The following PSG7 variants were observed in gnomAD, a reference collection of about 807,000 sequenced individuals.
The protein encoded by PSG7 is pregnancy specific beta-1-glycoprotein 7, also known as pregnancy-specific beta-1-glycoprotein 7.
In PSG7, 57 loss-of-function variants were observed where a neutral mutation model predicts 45.6. The observed-to-expected ratio is 1.25, with a 90% CI of 1.01 to 1.56. The LOEUF (loss-of-function observed/expected upper bound fraction) is 1.56. PSG7 is among the 40% of genes most tolerant of loss of function. PSG7 has a pLI of 0.00. For synonymous variants in PSG7, 298 were observed against 194.4 expected (o/e 1.53, Z -4.43); for missense variants, 796 against 508.4 (o/e 1.57, Z -5.44).
rs866401033 is a variant in PSG7 at position 42,933,311 on chromosome 19, T to A, written c.430+2093A>T. Among the ~76,000 whole-genome samples, 184 of 40,798 alleles carry A rather than the reference T, an allele frequency of 4.5e-3. 2 individuals are homozygous for A. Among genetic ancestry groups the A allele is most frequent in the Admixed American group, 6.8e-3 (20 of 2,956 alleles). The allele number at this position is 40,798 out of a possible 152,430, so 26.8% of individuals were successfully genotyped here. A position where few individuals can be genotyped will look rare whatever the true frequency, so the allele number is the denominator to read the frequency against. Reference sequence around the variant, plus strand: ...TATATATATATATATATATATATTTTTTTTTTTTTTTGGTGTATGTATGTG... The same window carrying A: ...TATATATATATATATATATATATTTATTTTTTTTTTTGGTGTATGTATGTG... On this transcript the variant is annotated intron_variant, in intron 2 of 5. Coordinates refer to ENST00000406070, the MANE Select transcript of PSG7 (RefSeq NM_002783.3).
chr19:42,930,757 G>A (rs1439785940), intron 2 of PSG7, among the ~76,000 whole-genome samples: 2 of 151,494 alleles, frequency 1.3e-5, no homozygotes, highest in Non-Finnish European at 2.9e-5. Flanking sequence ...TAGTTTCCAG[G>A]AGCTGGGATT....
chr19:42,931,809 G>T (rs1484062561), intron 2 of PSG7, among the ~76,000 whole-genome samples: 1 of 151,438 alleles, frequency 6.6e-6, no homozygotes, highest in Admixed American at 6.6e-5. Context: ...AGCCTTTGTA[G>T]TTGTCCCACA....
chr19:42,929,821 C>A, intron 2 of PSG7, 101 bp from the exon 3 acceptor site: 2 of 1,479,990 alleles, frequency 1.4e-6, no homozygotes, highest in Non-Finnish European at 1.8e-6. Context: ...TCAGCCCACC[C>A]AAGTCCTTAA....
chr19:42,928,173 G>A (rs1302178652), intron 3 of PSG7, among the ~76,000 whole-genome samples: 2 of 151,584 alleles, frequency 1.3e-5, no homozygotes, highest in African/African-American at 4.9e-5. Flanking sequence ...GCCTTGGCAT[G>A]TGAGAAAGGC....
intron 5 of PSG7, chr19:42,925,466 C>A: frequency 4.3e-6 from 3 of 702,726 alleles, no homozygotes; most frequent in African/African-American, 1.8e-5. Flanking sequence ...GAAAACTATC[C>A]ACATAAAGAA....
At chr19:42,930,404 C>T (rs1419697422) in intron 2 of PSG7, among the ~76,000 whole-genome samples, 3 of 151,560 alleles carry the variant, frequency 2.0e-5, no homozygotes, top group African/African-American at 7.3e-5. Flanking sequence ...GTGAAGGGGA[C>T]AGGCAAGAGC....
In PSG7 at chr19:42,924,772, C is replaced by T; in HGVS notation, c.*36G>A. 1.3e-6 allele frequency: 1 copy of T among 767,676 alleles called. No individual in the cohort carries two copies. Among genetic ancestry groups the T allele is most frequent in the Non-Finnish European group, 2.4e-6 (1 of 417,400 alleles). The allele number at this position is 767,676 out of a possible 1,614,324, so 47.6% of individuals were successfully genotyped here. On this transcript the variant is annotated 3_prime_UTR_variant, in exon 6 of 6. Transcript: ENST00000406070. Reference sequence around the variant, plus strand: ...GAGTGGGTCTTGCTCTTTGAGGTTCCATGGGAGAAGATGGAATTGGAGGAA... The same window carrying T: ...GAGTGGGTCTTGCTCTTTGAGGTTCTATGGGAGAAGATGGAATTGGAGGAA...
chr19:42,935,643 C>T lies in PSG7; in HGVS notation c.191G>A (p.Gly64Asp), dbSNP rs1189136874. 6.2e-7 allele frequency: 1 copy of T among 1,612,032 alleles called. No homozygotes were observed. Among genetic ancestry groups the T allele is most frequent in the Non-Finnish European group, 8.5e-7 (1 of 1,179,110 alleles). The change falls in exon 2 of 6, where the codon GGC becomes GAC. Residue 64 changes from glycine to aspartate, a missense_variant. Coordinates refer to ENST00000406070, the MANE Select transcript of PSG7 (RefSeq NM_002783.3). ...LVHNLPQNLT[G>D]YIWYKGQIRD... ...GATTTGTCCTTTGTACCAGATGTAG[C>T]CAGTAAGATTCTGGGGCAAATTGTG...
intron 3 of PSG7, chr19:42,927,155 T>A: frequency 4.7e-6 from 1 of 211,320 alleles, no homozygotes; most frequent in Non-Finnish European, 9.6e-6. Context: ...ATTCTAGAGA[T>A]GAGTAATAAT....
At position 42,929,189 on chromosome 19, in the gene PSG7, G is replaced by A. The variant is rs1972962006; in HGVS notation, c.709+253C>T. On this transcript the variant is annotated intron_variant, in intron 3 of 5. Coordinates refer to ENST00000406070, the MANE Select transcript of PSG7 (RefSeq NM_002783.3). ...CCGCTGTGTTCATGATCTGGAGCCT[G>A]AGACATTCACCTGTTTCTTCCATCA... 1.3e-5 allele frequency: 11 copies of A among 852,184 alleles called. No individual in the cohort carries two copies. The East Asian group carries it at 3.1e-4, about 24-fold the overall frequency. The allele number at this position is 852,184 out of a possible 1,614,324, so 52.8% of individuals were successfully genotyped here.
Position 42,926,422 on chromosome 19 carries a change from A to T in PSG7, c.988+16T>A. The T allele has an allele frequency of 6.2e-7, 1 of 1,610,588 alleles. No homozygotes were observed. The highest frequency in any genetic ancestry group is 8.5e-7 in the Non-Finnish European group (1 of 1,178,322). On this transcript the variant is annotated intron_variant, in intron 4 of 5. Transcript: ENST00000406070. ...CCTGGCCCACAGAGGAAGAAAGGATACTCAAGGATACTCACAGAGGACATT... is the reference window on the plus strand; with the variant it reads ...CCTGGCCCACAGAGGAAGAAAGGATTCTCAAGGATACTCACAGAGGACATT...
In PSG7 at chr19:42,937,151, G is replaced by C. The variant is rs1194088694; in HGVS notation, c.-75C>G. ...AGAATCTTCCTGAGCACGGCTGTCA[G>C]CTGTGCTGTCCTTCCTCCTTCTGCA... On this transcript the variant is annotated 5_prime_UTR_variant, in exon 1 of 6. Coordinates refer to ENST00000406070, the MANE Select transcript of PSG7 (RefSeq NM_002783.3). 1.3e-6 allele frequency: 2 copies of C among 1,562,384 alleles called. No homozygotes were observed. The highest frequency in any genetic ancestry group is 2.7e-5 in the African/African-American group (2 of 73,166).
At chr19:42,936,906 C>A in intron 1 of PSG7, 107 bp downstream of exon 1, 1 of 1,511,948 alleles carries the variant, frequency 6.6e-7, no homozygotes, top group South Asian at 1.1e-5. Context: ...CTCAGCCTCC[C>A]AAAGTGCTGG....
rs972802105 is a variant in PSG7 at position 42,934,205 on chromosome 19, A to G, written c.430+1199T>C. 1.3e-4 allele frequency among the ~76,000 whole-genome samples: 20 copies of G among 151,306 alleles called. 2 individuals are homozygous for G. The highest frequency in any genetic ancestry group is 3.6e-4 in the African/African-American group (15 of 41,174). On this transcript the variant is annotated intron_variant, in intron 2 of 5. Coordinates refer to ENST00000406070, the MANE Select transcript of PSG7 (RefSeq NM_002783.3). The stretch of plus-strand genomic sequence containing the variant: ...ATGGGTGTTAAGATCTGAGGGGGAG[A>G]CCTGGACATTTTTTTTGCACTGACT...
At chr19:42,924,854 A>G (rs1972491856) in intron 5 of PSG7, 30 bp from the exon 6 acceptor site, 1 of 763,998 alleles carries the variant, frequency 1.3e-6, no homozygotes, top group African/African-American at 1.7e-5. Context: ...CACAGAAACA[A>G]TGAACAGAGC....
chr19:42,927,400 G>C (rs1360263573), intron 3 of PSG7: 1 of 153,632 alleles, frequency 6.5e-6, no homozygotes, highest in Non-Finnish European at 1.4e-5. Flanking sequence ...AAAGAGTGAA[G>C]GGGACAAGCA....
chr19:42,935,039 T>A (rs1252000094), intron 2 of PSG7, among the ~76,000 whole-genome samples: 1 of 151,614 alleles, frequency 6.6e-6, no homozygotes, highest in Non-Finnish European at 1.5e-5. Context: ...AGGGCTGAGC[T>A]TCTCTGAGGG....
intron 2 of PSG7, among the ~76,000 whole-genome samples, chr19:42,934,730 G>T (rs919338604): frequency 1.3e-5 from 2 of 151,510 alleles, no homozygotes; most frequent in African/African-American, 4.9e-5. Flanking sequence ...GGGGATATTA[G>T]ACTTTCTATG....
chr19:42,933,323 G>C (rs1413836621), intron 2 of PSG7, among the ~76,000 whole-genome samples: 5 of 12,294 alleles, frequency 4.1e-4, no homozygotes, highest in Admixed American at 8.9e-4. Context: ...TTTTTTTTTT[G>C]GTGTATGTAT....
Sources: gnomAD v4.1 joint callset for allele counts (sites outside exome capture counted in the v4.1 genomes callset) on GRCh38, gnomAD v4.1.1 for gene constraint, MANE v1.5 for transcripts, NCBI Gene and HGNC (gene_info 2026-07-23, HGNC 2026-07-21) for gene names.